NECAB2: variants seen among roughly 807,000 people sequenced by gnomAD.
NECAB2 encodes the protein N-terminal EF-hand calcium binding protein 2, also known as N-terminal EF-hand calcium-binding protein 2.
NECAB2 carries 68 observed loss-of-function variants against 51.9 expected under a neutral mutation model. The ratio of observed to expected loss-of-function variants is 1.31; its 90% CI spans 1.08 to 1.60. NECAB2 has a LOEUF of 1.60. Ranked by LOEUF, NECAB2 falls within the 40% of genes most tolerant of loss-of-function variation. The pLI is 0.00. For synonymous variants in NECAB2, 329 were observed against 203.5 expected, an observed-to-expected ratio of 1.62 and a Z score of -5.25; for missense variants, 854 against 490.3, an observed-to-expected ratio of 1.74 and a Z score of -7.00.
upstream of NECAB2, chr16:83,965,952 G>A (rs922055576): frequency 3.1e-6 from 5 of 1,610,326 alleles, no homozygotes; most frequent in African/African-American, 1.3e-5. Flanking sequence ...GTGCAGGGGG[G>A]CGCCTTGGCT....
At chr16:83,993,153 C>A (rs1459578502) in intron 6 of NECAB2, among the ~76,000 whole-genome samples, 1 of 152,208 alleles carries the variant, frequency 6.6e-6, no homozygotes, top group Non-Finnish European at 1.5e-5. Context: ...TCCCTGAGGA[C>A]TATCCTGTTT....
intron 5 of NECAB2, among the ~76,000 whole-genome samples, chr16:83,982,830 C>A (rs2084505872): frequency 1.3e-5 from 2 of 151,852 alleles, no homozygotes; most frequent in South Asian, 4.2e-4. Flanking sequence ...GTTGTTGCAT[C>A]CGTGATTGGC....
At chr16:83,969,007 C>T (rs1198156392) in intron 1 of NECAB2, among the ~76,000 whole-genome samples, 158 bp downstream of exon 1, 1 of 151,352 alleles carries the variant, frequency 6.6e-6, no homozygotes, top group Non-Finnish European at 1.5e-5. Context: ...GAGCCCCCAG[C>T]CCCGCCACGT....
chr16:83,996,363 G>A (rs976347534), intron 8 of NECAB2, among the ~76,000 whole-genome samples: 1 of 152,222 alleles, frequency 6.6e-6, no homozygotes, highest in African/African-American at 2.4e-5. Context: ...ACAGAGCCCA[G>A]TGCAAAATGA....
rs950136279 is a variant in NECAB2, at chr16:83,979,697, C to T, written c.336-1142C>T. 8.5e-5 allele frequency among the ~76,000 whole-genome samples: 10 copies of T among 118,220 alleles called. No homozygotes were observed. The East Asian group carries it at 1.7e-3, about 20-fold the overall frequency. The allele number at this position is 118,220 out of a possible 152,430, so 77.6% of individuals were successfully genotyped here. A position where few individuals can be genotyped will look rare whatever the true frequency, so the allele number is the denominator to read the frequency against. On this transcript the variant is annotated intron_variant, in intron 3 of 12. Transcript: ENST00000305202. ...AGCGGGGTAGAGGAGGGGGTGGAGG[C>T]GGAGGGAGGAGGAGGCACTGGTTTG... is the stretch of plus-strand genomic sequence containing the variant.
chr16:83,989,427 C>T (rs548615037), intron 5 of NECAB2, among the ~76,000 whole-genome samples: 14 of 152,330 alleles, frequency 9.2e-5, no homozygotes, highest in African/African-American at 3.1e-4. Context: ...CCGTGTTTCC[C>T]ATTGTGCAAT....
At chr16:83,992,477 G>C (rs2084639228) in intron 6 of NECAB2, among the ~76,000 whole-genome samples, 1 of 149,448 alleles carries the variant, frequency 6.7e-6, no homozygotes, top group African/African-American at 2.5e-5. Context: ...AAGAAAAAGA[G>C]AAAATGCAAA....
At chr16:83,965,946 A>G (rs1567659202), upstream of NECAB2, 2 of 1,611,296 alleles carry the variant, frequency 1.2e-6, no homozygotes, top group Admixed American at 3.3e-5. Flanking sequence ...AGGTTTGTGC[A>G]GGGGGGCGCC....
intron 1 of NECAB2, among the ~76,000 whole-genome samples, chr16:83,971,145 A>G (rs1344899944): frequency 6.6e-6 from 1 of 151,846 alleles, no homozygotes; most frequent in Non-Finnish European, 1.5e-5. Flanking sequence ...AACTGGTTAC[A>G]GTGAAAGGTC....
intron 4 of NECAB2, 34 bp from the exon 5 acceptor site, chr16:83,980,996 C>A (rs376093278): frequency 8.7e-6 from 14 of 1,608,628 alleles, no homozygotes; most frequent in Non-Finnish European, 1.2e-5. Context: ...GGGGCAGGAC[C>A]TGTGACCCCT....
intron 2 of NECAB2, among the ~76,000 whole-genome samples, chr16:83,976,264 G>C (rs111913836): frequency 1.7e-3 from 262 of 152,356 alleles, no homozygotes; most frequent in African/African-American, 6.1e-3. Context: ...CCCTGGATTA[G>C]GTTGAGAGCC....
At chr16:83,972,723 C>G (rs1013725616) in intron 2 of NECAB2, among the ~76,000 whole-genome samples, 3 of 152,192 alleles carry the variant, frequency 2.0e-5, no homozygotes, top group African/African-American at 2.4e-5. Flanking sequence ...GCCCTTTTCC[C>G]TTTCTCTCTC....
chr16:83,976,964 G>A (rs2084418593), intron 2 of NECAB2, among the ~76,000 whole-genome samples: 1 of 152,252 alleles, frequency 6.6e-6, no homozygotes. Context: ...CGTCTGCCAT[G>A]TCGGGTTAGG....
intron 1 of NECAB2, 151 bp downstream of exon 1, chr16:83,969,000 C>G: frequency 3.0e-6 from 1 of 329,692 alleles, no homozygotes. Context: ...GGAGCGGGAG[C>G]CCCCAGCCCC....
intron 5 of NECAB2, among the ~76,000 whole-genome samples, chr16:83,984,415 C>T (rs2084526556): frequency 6.6e-6 from 1 of 151,638 alleles, no homozygotes; most frequent in African/African-American, 2.4e-5. Context: ...GCACTTAATG[C>T]ACATTAAGTT....
In NECAB2 at chr16:83,990,556, C is replaced by T; in HGVS notation, c.522C>T (p.Ala174=). 6.2e-7 allele frequency: 1 copy of T among 1,614,154 alleles called. No homozygotes were observed. The highest frequency in any genetic ancestry group is 8.5e-7 in the Non-Finnish European group (1 of 1,180,026). ...FVTRFLLKET[A]NQIQSLLSSV... is the part of the protein sequence containing the mutation. ...CCCGCTTCCTCCTGAAGGAGACGGC[C>T]AATCAGATCCAGTCGCTGCTGAGCT... Residue 174 remains alanine, a synonymous_variant, in exon 6 of 13, where the codon GCC becomes GCT. Transcript: ENST00000305202.
At chr16:84,000,907 T>A (rs578163225) in intron 11 of NECAB2, 106 bp downstream of exon 11, 1 of 1,130,090 alleles carries the variant, frequency 8.8e-7, no homozygotes, top group Non-Finnish European at 1.3e-6. Context: ...CCGAGTCCAG[T>A]CAGCAGATTC....
chr16:83,977,710 C>G (rs1016429962), intron 2 of NECAB2, among the ~76,000 whole-genome samples: 2 of 152,184 alleles, frequency 1.3e-5, no homozygotes, highest in South Asian at 2.1e-4. Flanking sequence ...ATGGCTGCAT[C>G]TGTGGCCTGG....
chr16:83,973,684 G>A, intron 2 of NECAB2, among the ~76,000 whole-genome samples: 1 of 152,254 alleles, frequency 6.6e-6, no homozygotes, highest in South Asian at 2.1e-4. Flanking sequence ...CAGGTTGAGA[G>A]GTAGGGATTT....
Sources: allele counts gnomAD v4.1 joint callset (sites outside exome capture counted in the v4.1 genomes callset), GRCh38; gene constraint gnomAD v4.1.1; transcripts MANE v1.5; gene names NCBI Gene and HGNC (gene_info 2026-07-23, HGNC 2026-07-21).